The following TBC1D5 variants were observed in gnomAD, a reference collection of about 807,000 sequenced individuals.
TBC1D5 encodes TBC1 domain family member 5, also known as TBC1 domain family, member 5.
In TBC1D5, 75 loss-of-function variants were observed where a neutral mutation model predicts 100.3. The ratio of observed to expected loss-of-function variants is 0.75; its 90% CI spans 0.62 to 0.91. The LOEUF is 0.91. TBC1D5 is among the 40% of genes least tolerant of loss of function. The probability of loss-of-function intolerance (pLI) is 0.00; values close to 1 mark genes in which losing one functional copy is unlikely to be tolerated. For synonymous variants in TBC1D5, 323 were observed against 325.6 expected, an observed-to-expected ratio of 0.99 and a Z score of 0.09; for missense variants, 910 against 942.4, an observed-to-expected ratio of 0.97 and a Z score of 0.45.
At chr3:17,294,495 C>G (rs1438040244) in intron 14 of TBC1D5, among the ~76,000 whole-genome samples, 3 of 152,102 alleles carry the variant, frequency 2.0e-5, no homozygotes, top group Non-Finnish European at 4.4e-5. Context: ...TAGATAGAGA[C>G]CAGAACAATA....
chr3:17,680,775 T>C (rs906917322), intron 1 of TBC1D5, among the ~76,000 whole-genome samples: 2 of 151,398 alleles, frequency 1.3e-5, no homozygotes, highest in Non-Finnish European at 2.9e-5. Flanking sequence ...CTCCTATATA[T>C]CACTATTATG....
At chr3:17,626,310 C>T (rs1278425200) in intron 1 of TBC1D5, among the ~76,000 whole-genome samples, 2 of 152,068 alleles carry the variant, frequency 1.3e-5, no homozygotes, top group African/African-American at 4.8e-5. Context: ...AATATAAAGT[C>T]CATGAAAGCT....
chr3:17,507,723 T>C (rs1326168052), intron 3 of TBC1D5, among the ~76,000 whole-genome samples: 1 of 152,140 alleles, frequency 6.6e-6, no homozygotes, highest in African/African-American at 2.4e-5. Context: ...ATTCCACAAG[T>C]GAAAAATTAC....
intron 3 of TBC1D5, among the ~76,000 whole-genome samples, chr3:17,501,962 A>C (rs2095792266): frequency 6.7e-6 from 1 of 149,668 alleles, no homozygotes; most frequent in Non-Finnish European, 1.5e-5. Flanking sequence ...ACACTAACTT[A>C]TCAAACAAGA....
chr3:17,320,070 T>C (rs547498875), intron 13 of TBC1D5, among the ~76,000 whole-genome samples: 4 of 152,226 alleles, frequency 2.6e-5, no homozygotes, highest in Non-Finnish European at 5.9e-5. Flanking sequence ...GTTCCTTTGT[T>C]ATTATATGTG....
intron 4 of TBC1D5, among the ~76,000 whole-genome samples, chr3:17,425,692 A>T (rs904155892): frequency 3.3e-5 from 5 of 152,162 alleles, no homozygotes; most frequent in African/African-American, 1.2e-4. Flanking sequence ...CTAATATCAT[A>T]ATAATACAAA....
At chr3:17,689,355 T>C (rs1396863394) in intron 1 of TBC1D5, among the ~76,000 whole-genome samples, 1 of 151,872 alleles carries the variant, frequency 6.6e-6, no homozygotes, top group Non-Finnish European at 1.5e-5. Context: ...GTGGACAACA[T>C]GGCGAAACCC....
intron 1 of TBC1D5, among the ~76,000 whole-genome samples, chr3:17,714,776 C>A (rs1374429279): frequency 6.6e-6 from 1 of 152,112 alleles, no homozygotes; most frequent in Non-Finnish European, 1.5e-5. Context: ...CCAGCCTGGG[C>A]AACATAGTGA....
At chr3:17,634,325 GT>G (rs1401020049) in intron 1 of TBC1D5, among the ~76,000 whole-genome samples, 1 of 152,100 alleles carries the variant, frequency 6.6e-6, no homozygotes, top group South Asian at 2.1e-4. Context: ...AGTAACCTAA[GT>G]TTCCATCAAC....
Position 17,483,084 on chromosome 3 carries a change from C to A in TBC1D5, c.97+25390G>T, listed in dbSNP as rs62248267. ...TGTGTGTTTAAATGGCAAAAAATTA[C>A]CATGCATGTAAATACTTCTTAGTGT... On this transcript the variant is annotated intron_variant, in intron 3 of 21. Coordinates refer to ENST00000253692, the Ensembl canonical transcript of TBC1D5. 9.0e-3 allele frequency among the ~76,000 whole-genome samples: 1,377 copies of A among 152,180 alleles called. 12 individuals are homozygous for A. The highest frequency in any genetic ancestry group is 0.015 in the Non-Finnish European group (1,041 of 68,008).
intron 13 of TBC1D5, among the ~76,000 whole-genome samples, chr3:17,345,775 G>A (rs1327122496): frequency 8.5e-5 from 13 of 152,104 alleles, no homozygotes; most frequent in Non-Finnish European, 1.8e-4. Flanking sequence ...TCGTAGGGAC[G>A]GGGATGAAAT....
chr3:17,281,081 G>C (rs903497037), intron 15 of TBC1D5, among the ~76,000 whole-genome samples: 3 of 152,196 alleles, frequency 2.0e-5, no homozygotes, highest in African/African-American at 7.2e-5. Context: ...GCTAGCTCCA[G>C]AGAGGGCACA....
At chr3:17,270,658 C>T (rs765043534) in intron 15 of TBC1D5, among the ~76,000 whole-genome samples, 9 of 152,124 alleles carry the variant, frequency 5.9e-5, no homozygotes, top group Non-Finnish European at 8.8e-5. Flanking sequence ...GTTACAGTTG[C>T]TTTTGAGGAC....
chr3:17,319,109 A>C (rs2085054594), intron 13 of TBC1D5, among the ~76,000 whole-genome samples: 1 of 152,228 alleles, frequency 6.6e-6, no homozygotes, highest in Non-Finnish European at 1.5e-5. Flanking sequence ...AAACTCAGTG[A>C]AGTTTAGTTG....
intron 3 of TBC1D5, among the ~76,000 whole-genome samples, chr3:17,455,230 T>TTATTGTATATA (rs1559922698): frequency 1.5e-5 from 2 of 129,908 alleles, no homozygotes; most frequent in Non-Finnish European, 3.1e-5. Flanking sequence ...ATATTATATA[T>TTATTGTATATA]TGTATACATA....
At chr3:17,273,944 T>C (rs2079695783) in intron 15 of TBC1D5, among the ~76,000 whole-genome samples, 1 of 151,650 alleles carries the variant, frequency 6.6e-6, no homozygotes, top group Admixed American at 6.6e-5. Flanking sequence ...ATACTCTTTC[T>C]TAAAAGTTCC....
intron 19 of TBC1D5, among the ~76,000 whole-genome samples, chr3:17,176,917 T>C (rs1275939976): frequency 1.3e-5 from 2 of 152,116 alleles, no homozygotes; most frequent in Non-Finnish European, 2.9e-5. Context: ...TAAGTGAGGA[T>C]ATCCTTAGTG....
intron 3 of TBC1D5, among the ~76,000 whole-genome samples, chr3:17,442,470 T>G (rs1436680763): frequency 6.6e-6 from 1 of 152,222 alleles, no homozygotes; most frequent in African/African-American, 2.4e-5. Context: ...TCCATTCATG[T>G]GGAACTGTGC....
chr3:17,538,172 G>A (rs935169430), intron 2 of TBC1D5, among the ~76,000 whole-genome samples: 2 of 152,082 alleles, frequency 1.3e-5, no homozygotes, highest in African/African-American at 4.8e-5. Flanking sequence ...AGGACTGTCA[G>A]GCGACCATGA....
Sources: allele counts gnomAD v4.1 joint callset (sites outside exome capture counted in the v4.1 genomes callset), GRCh38; gene constraint gnomAD v4.1.1; transcripts MANE v1.5; gene names NCBI Gene and HGNC (gene_info 2026-07-23, HGNC 2026-07-21).